EDC4: variants seen among roughly 807,000 people sequenced by gnomAD.
EDC4 encodes enhancer of mRNA decapping 4.
EDC4 carries 64 observed loss-of-function variants against 155.8 expected under a neutral mutation model. That is an observed-to-expected ratio of 0.41 (90% CI 0.34 to 0.51). The LOEUF is 0.51. EDC4 is among the 20% of genes least tolerant of loss of function. The pLI is 0.19. For missense variants in EDC4, 1,303 were observed against 1,812.5 expected, an observed-to-expected ratio of 0.72 and a Z score of 5.10; for synonymous variants, 684 against 716.8, an observed-to-expected ratio of 0.95 and a Z score of 0.73.
intron 1 of EDC4, among the ~76,000 whole-genome samples, chr16:67,875,522 GTC>G (rs1277137880): frequency 6.6e-6 from 1 of 152,182 alleles, no homozygotes; most frequent in Non-Finnish European, 1.5e-5. Flanking sequence ...CACAGGGAGA[GTC>G]TAAGTGCCAC....
chr16:67,884,255 CTG>C lies in EDC4; in HGVS notation c.*108_*109del. ...CCTTTACCTGCTCAGGCCCCCATCT[CTG>C]GGGTGTTTGGGGGTCAGGGAGCAGG... On this transcript the variant is annotated 3_prime_UTR_variant, in exon 29 of 29. Coordinates refer to ENST00000358933, the MANE Select transcript of EDC4 (RefSeq NM_014329.5). This position sits in a 1 kb window ranked among gnomAD's most constrained non-coding sequence, Gnocchi z 4.1. 1.8e-6 allele frequency: 2 copies of C among 1,117,536 alleles called. No homozygotes were observed. Among genetic ancestry groups the C allele is most frequent in the Non-Finnish European group, 2.5e-6 (2 of 806,382 alleles). 69.2% of individuals were successfully genotyped at this position (1,117,536 alleles called of 1,614,324 possible).
chr16:67,878,881 G>A lies in EDC4; in HGVS notation c.1287+42G>A. ...TACCCTGGGCAGAGTTGGGATTATA[G>A]AGGAAGGCCGGGGGGCAGGTGGCGC... is the stretch of plus-strand genomic sequence containing the variant. On this transcript the variant is annotated intron_variant, in intron 11 of 28. Transcript: ENST00000358933. The surrounding 1 kb of genome is among the most constrained non-coding windows in gnomAD (Gnocchi z 5.2). 5.0e-6 allele frequency: 8 copies of A among 1,611,584 alleles called. No individual in the cohort carries two copies. Among genetic ancestry groups the A allele is most frequent in the Non-Finnish European group, 6.8e-6 (8 of 1,179,972 alleles).
In EDC4 at chr16:67,876,794, C is replaced by T; in HGVS notation, c.352-79C>T. On this transcript the variant is annotated intron_variant, in intron 3 of 28. Transcript: ENST00000358933. The surrounding 1 kb of genome is among the most constrained non-coding windows in gnomAD (Gnocchi z 5.8). ...TGGGTAGCTGGACTTGCATCTGTGT[C>T]CTCTCCCATCCCCAGGGATGTTGGG... 1 of 1,584,574 alleles carries T rather than the reference C, an allele frequency of 6.3e-7. No individual in the cohort carries two copies. The highest frequency in any genetic ancestry group is 8.6e-7 in the Non-Finnish European group (1 of 1,165,272).
intron 1 of EDC4, among the ~76,000 whole-genome samples, chr16:67,874,702 A>G (rs1362050242): frequency 6.6e-6 from 1 of 152,138 alleles, no homozygotes; most frequent in Non-Finnish European, 1.5e-5. Context: ...CCTTATAACT[A>G]CTTTGTTTAT....
In EDC4 at chr16:67,876,629, A is replaced by G. The variant is rs761488214; in HGVS notation, c.351+30A>G. On this transcript the variant is annotated intron_variant, in intron 3 of 28. Transcript: ENST00000358933. This position sits in a 1 kb window ranked among gnomAD's most constrained non-coding sequence, Gnocchi z 5.8. ...GTACTGGGATGCTGTGGCATATATAATGTACGGGGGCACACCCAGCCTTTC... is the reference window on the plus strand; with the variant it reads ...GTACTGGGATGCTGTGGCATATATAGTGTACGGGGGCACACCCAGCCTTTC... The G allele has an allele frequency of 1.9e-6, 3 of 1,612,568 alleles. No individual in the cohort carries two copies. The highest frequency in any genetic ancestry group is 8.5e-7 in the Non-Finnish European group (1 of 1,179,308).
At position 67,883,318 on chromosome 16, in the gene EDC4, G is replaced by A; in HGVS notation, c.3849+141G>A. On this transcript the variant is annotated intron_variant, in intron 27 of 28. Transcript: ENST00000358933. This position sits in a 1 kb window ranked among gnomAD's most constrained non-coding sequence, Gnocchi z 5.3. Reference sequence around the variant, plus strand: ...GGTTCCCTTTGGCCTCCAGGCCATTGTCCCTGCTGCTTCCTCTTCCTGGAC... The same window carrying A: ...GGTTCCCTTTGGCCTCCAGGCCATTATCCCTGCTGCTTCCTCTTCCTGGAC... 7.2e-7 allele frequency: 1 copy of A among 1,380,114 alleles called. No homozygotes were observed. The highest frequency in any genetic ancestry group is 9.6e-7 in the Non-Finnish European group (1 of 1,037,368). 85.5% of individuals were successfully genotyped at this position (1,380,114 alleles called of 1,614,324 possible). A position where few individuals can be genotyped will look rare whatever the true frequency, so the allele number is the denominator to read the frequency against.
chr16:67,880,124 A>C lies in EDC4; in HGVS notation c.2005A>C (p.Ser669Arg), dbSNP rs1471531057. The C allele has an allele frequency of 6.2e-7, 1 of 1,613,044 alleles. No individual in the cohort carries two copies. The highest frequency in any genetic ancestry group is 8.5e-7 in the Non-Finnish European group (1 of 1,179,638). ...GCTGGATGGCAGCCTGACAATGAGCAGCAGTGGCAGCCTTCAGGCAAGCCC... is the reference window on the plus strand; with the variant it reads ...GCTGGATGGCAGCCTGACAATGAGCCGCAGTGGCAGCCTTCAGGCAAGCCC... ...LQLDGSLTMS[S>R]SGSLQASPRG... is the part of the protein sequence containing the mutation. Residue 669 changes from serine to arginine, a missense_variant, in exon 17 of 29, where the codon AGC (serine) becomes CGC (arginine). This residue lies in a region of EDC4 where 391 missense variants were observed against 445.4 expected (regional missense o/e 0.88). Coordinates refer to ENST00000358933, the MANE Select transcript of EDC4 (RefSeq NM_014329.5). This position sits in a 1 kb window ranked among gnomAD's most constrained non-coding sequence, Gnocchi z 5.2.
chr16:67,873,848 G>C (rs2058031471), intron 1 of EDC4, among the ~76,000 whole-genome samples: 1 of 152,170 alleles, frequency 6.6e-6, no homozygotes, highest in African/African-American at 2.4e-5. Flanking sequence ...TCAATTCCGT[G>C]TTCTTTCTGG....
At position 67,880,396 on chromosome 16, in the gene EDC4, TC is replaced by T; in HGVS notation, c.2098-157del. On this transcript the variant is annotated intron_variant, in intron 17 of 28. Transcript: ENST00000358933. This position sits in a 1 kb window ranked among gnomAD's most constrained non-coding sequence, Gnocchi z 5.2. ...GGTGGGTGTCTCCTCAGCCTCCCTG[TC>T]CCCACCTCCTCTTCTTGGCTGTGGC... 1.5e-6 allele frequency: 2 copies of T among 1,331,194 alleles called. No homozygotes were observed. Among genetic ancestry groups the T allele is most frequent in the Non-Finnish European group, 1.0e-6 (1 of 975,478 alleles). 82.5% of individuals were successfully genotyped at this position (1,331,194 alleles called of 1,614,324 possible). A position where few individuals can be genotyped will look rare whatever the true frequency, so the allele number is the denominator to read the frequency against.
chr16:67,877,958 C>T lies in EDC4; in HGVS notation c.894+113C>T. 1.3e-6 allele frequency: 2 copies of T among 1,522,138 alleles called. No individual in the cohort carries two copies. Among genetic ancestry groups the T allele is most frequent in the East Asian group, 2.4e-5 (1 of 41,108 alleles). 94.3% of individuals were successfully genotyped at this position (1,522,138 alleles called of 1,614,324 possible). A position where few individuals can be genotyped will look rare whatever the true frequency, so the allele number is the denominator to read the frequency against. Reference sequence around the variant, plus strand: ...TTTACTAGCATTCTGCCCGTGGGGACTCTGAGCTCAAATTGGCCCTCACCT... The same window carrying T: ...TTTACTAGCATTCTGCCCGTGGGGATTCTGAGCTCAAATTGGCCCTCACCT... On this transcript the variant is annotated intron_variant, in intron 7 of 28. Transcript: ENST00000358933. This position sits in a 1 kb window ranked among gnomAD's most constrained non-coding sequence, Gnocchi z 4.9.
Position 67,877,784 on chromosome 16 carries a change from C to G in EDC4, c.833C>G (p.Thr278Ser), listed in dbSNP as rs1182738676. 1 of 1,614,078 alleles carries G rather than the reference C, an allele frequency of 6.2e-7. No homozygotes were observed. Among genetic ancestry groups the G allele is most frequent in the Non-Finnish European group, 8.5e-7 (1 of 1,180,044 alleles). Reference protein sequence around the residue: ...DLDMLRSSHSTWPVDVSQIKQ... With the variant: ...DLDMLRSSHSSWPVDVSQIKQ... ...GACATGCTCCGCTCCAGCCACAGTA[C>G]CTGGCCTGTGGATGTTAGCCAGATC... Residue 278 changes from threonine (T) to serine (S), a missense_variant, in exon 7 of 29, where the codon ACC becomes AGC. By Grantham distance (58) the Thr-to-Ser change is moderately conservative (BLOSUM62 1). Transcript: ENST00000358933. The surrounding 1 kb of genome is among the most constrained non-coding windows in gnomAD (Gnocchi z 4.9).
In EDC4 at chr16:67,877,767, C is replaced by G. The variant is rs768685928; in HGVS notation, c.816C>G (p.Leu272=). 8 of 1,614,136 alleles carry G rather than the reference C, an allele frequency of 5.0e-6. No individual in the cohort carries two copies. The highest frequency in any genetic ancestry group is 1.6e-4 in the Middle Eastern group (1 of 6,062). The change falls in exon 7 of 29, where the codon CTC becomes CTG. Residue 272 remains leucine, a synonymous_variant. Transcript: ENST00000358933. This position sits in a 1 kb window ranked among gnomAD's most constrained non-coding sequence, Gnocchi z 4.9. ...CTGAGGTGTGGGACCTGGACATGCTCCGCTCCAGCCACAGTACCTGGCCTG... is the reference window on the plus strand; with the variant it reads ...CTGAGGTGTGGGACCTGGACATGCTGCGCTCCAGCCACAGTACCTGGCCTG... ...DRAEVWDLDM[L]RSSHSTWPVD...
In EDC4 at chr16:67,880,057, C is replaced by A; in HGVS notation, c.1944-6C>A. The A allele has an allele frequency of 6.3e-7, 1 of 1,596,436 alleles. No homozygotes were observed. The highest frequency in any genetic ancestry group is 8.6e-7 in the Non-Finnish European group (1 of 1,168,826). ...GGCTGCTGACACCTCAGCCTTCCCC[C>A]ACCAGGCCACCTGAGGAGCTGACCT... is the stretch of plus-strand genomic sequence containing the variant. On this transcript the variant is annotated splice_polypyrimidine_tract_variant and splice_region_variant and intron_variant, in intron 16 of 28. Coordinates refer to ENST00000358933, the MANE Select transcript of EDC4 (RefSeq NM_014329.5). This position sits in a 1 kb window ranked among gnomAD's most constrained non-coding sequence, Gnocchi z 5.2.
At chr16:67,873,480 C>T (rs1331285714) in intron 1 of EDC4, 137 bp downstream of exon 1, 1 of 660,960 alleles carries the variant, frequency 1.5e-6, no homozygotes, top group East Asian at 3.5e-5. Context: ...CGGGGATTGA[C>T]TGTGCCCCTC....
chr16:67,877,795 G>T lies in EDC4; in HGVS notation c.844G>T (p.Asp282Tyr). 1.2e-6 allele frequency: 2 copies of T among 1,614,182 alleles called. No homozygotes were observed. Among genetic ancestry groups the T allele is most frequent in the Non-Finnish European group, 8.5e-7 (1 of 1,180,040 alleles). Residue 282 changes from aspartate (D) to tyrosine (Y), a missense_variant, in exon 7 of 29, where the codon GAT becomes TAT. Asp to Tyr is a radical substitution (Grantham distance 160, BLOSUM62 -3). This residue lies in a region of EDC4 where 235 missense variants were observed against 367.7 expected (regional missense o/e 0.64). Transcript: ENST00000358933. The surrounding 1 kb of genome is among the most constrained non-coding windows in gnomAD (Gnocchi z 4.9). ...LRSSHSTWPV[D>Y]VSQIKQGFIV... ...CTCCAGCCACAGTACCTGGCCTGTG[G>T]ATGTTAGCCAGATCAAGCAGGGCTT...
In EDC4 at chr16:67,881,045, C is replaced by G. The variant is rs1410785453; in HGVS notation, c.2532-31C>G. The G allele has an allele frequency of 1.2e-6, 2 of 1,613,972 alleles. No individual in the cohort carries two copies. Among genetic ancestry groups the G allele is most frequent in the South Asian group, 1.1e-5 (1 of 91,076 alleles). On this transcript the variant is annotated intron_variant, in intron 18 of 28. Transcript: ENST00000358933. The surrounding 1 kb of genome is among the most constrained non-coding windows in gnomAD (Gnocchi z 5.4). ...TAGCAGGAGGGGCTTCAGATAGATT[C>G]ATCCATGGCTAAGTTGGCCTGTCCT...
rs766598095 is a variant in EDC4 at position 67,877,505 on chromosome 16, T to A, written c.642-4T>A. 2 of 1,614,150 alleles carry A rather than the reference T, an allele frequency of 1.2e-6. No individual in the cohort carries two copies. Among genetic ancestry groups the A allele is most frequent in the South Asian group, 2.2e-5 (2 of 91,084 alleles). ...ATCTATCTAGCCCTTAACACCCTGC[T>A]CAGAGAAGAGATCTTGGTCCATATT... On this transcript the variant is annotated splice_polypyrimidine_tract_variant and splice_region_variant and intron_variant, in intron 5 of 28. Coordinates refer to ENST00000358933, the MANE Select transcript of EDC4 (RefSeq NM_014329.5). The surrounding 1 kb of genome is among the most constrained non-coding windows in gnomAD (Gnocchi z 4.9).
chr16:67,876,978 TAA>T lies in EDC4; in HGVS notation c.451+8_451+9del, dbSNP rs761390171. Reference sequence around the variant, plus strand: ...CTTGGCCTATGCCATTCGGGGTGAGTAAAGACAGTGAGGAGGAAGGAATGTTC... The same window carrying T: ...CTTGGCCTATGCCATTCGGGGTGAGTAGACAGTGAGGAGGAAGGAATGTTC... On this transcript the variant is annotated splice_region_variant and intron_variant, in intron 4 of 28. Coordinates refer to ENST00000358933, the MANE Select transcript of EDC4 (RefSeq NM_014329.5). The surrounding 1 kb of genome is among the most constrained non-coding windows in gnomAD (Gnocchi z 5.8). The T allele has an allele frequency of 1.1e-5, 17 of 1,613,484 alleles. No homozygotes were observed. Among genetic ancestry groups the T allele is most frequent in the African/African-American group, 1.3e-5 (1 of 74,890 alleles).
chr16:67,879,616 T>G lies in EDC4; in HGVS notation c.1663T>G (p.Ser555Ala). The change falls in exon 15 of 29, where the codon TCT becomes GCT. Residue 555 changes from serine (S) to alanine (A), a missense_variant. Transcript: ENST00000358933. This position sits in a 1 kb window ranked among gnomAD's most constrained non-coding sequence, Gnocchi z 6.0. ...TGGAGAGTCTCGGCCCGAACTGGGCTCTGAGGGCCTGGGGTCAGCCGCTCA... is the reference window on the plus strand; with the variant it reads ...TGGAGAGTCTCGGCCCGAACTGGGCGCTGAGGGCCTGGGGTCAGCCGCTCA... ...TFGESRPELG[S>A]EGLGSAAHGS... 1 of 1,614,174 alleles carries G rather than the reference T, an allele frequency of 6.2e-7. No homozygotes were observed. The highest frequency in any genetic ancestry group is 8.5e-7 in the Non-Finnish European group (1 of 1,180,022).
Sources: allele counts gnomAD v4.1 joint callset (sites outside exome capture counted in the v4.1 genomes callset), GRCh38; gene constraint gnomAD v4.1.1; regional missense constraint gnomAD v4.1.1; non-coding constraint Gnocchi (gnomAD v3.1); transcripts MANE v1.5; gene names NCBI Gene and HGNC (gene_info 2026-07-23, HGNC 2026-07-21).